Variants in NRG3 observed in about 807,000 individuals in gnomAD.
NRG3 encodes neuregulin 3, also known as pro-neuregulin-3, membrane-bound isoform.
Under a neutral mutation model 66.9 loss-of-function variants are expected in NRG3, and 31 were observed. That is an observed-to-expected ratio of 0.46 (90% CI 0.35 to 0.63). The LOEUF (loss-of-function observed/expected upper bound fraction) is 0.63. Among genes scored for constraint, NRG3 ranks in the 20% least tolerant of loss-of-function variants. The pLI is 0.00. For synonymous variants in NRG3, 393 were observed against 359.4 expected (o/e 1.09, Z -1.06); for missense variants, 910 against 878.9 (o/e 1.04, Z -0.45).
intron 2 of NRG3, among the ~76,000 whole-genome samples, chr10:82,508,893 T>C (rs1844913282): frequency 6.6e-6 from 1 of 152,198 alleles, no homozygotes; most frequent in South Asian, 2.1e-4. Flanking sequence ...ACTTCAAATG[T>C]AGAGTTTATC....
chr10:82,429,267 T>G (rs977697325), intron 2 of NRG3, among the ~76,000 whole-genome samples: 6 of 152,070 alleles, frequency 3.9e-5, no homozygotes. Context: ...TTATATTATC[T>G]GTTATATTTA....
At chr10:82,905,594 G>T (rs958033075) in intron 4 of NRG3, among the ~76,000 whole-genome samples, 11 of 151,874 alleles carry the variant, frequency 7.2e-5, no homozygotes, top group Non-Finnish European at 1.3e-4. Flanking sequence ...AAAATCTTGG[G>T]GAAAGTGTGC....
intron 1 of NRG3, among the ~76,000 whole-genome samples, chr10:82,253,612 C>T (rs1191746816): frequency 2.0e-5 from 3 of 152,192 alleles, no homozygotes; most frequent in Non-Finnish European, 2.9e-5. Context: ...CTCAAAAGCA[C>T]AAATATTTTT....
intron 1 of NRG3, among the ~76,000 whole-genome samples, chr10:82,282,801 AC>A (rs1168103689): frequency 6.6e-6 from 1 of 152,040 alleles, no homozygotes; most frequent in Non-Finnish European, 1.5e-5. Flanking sequence ...ATGCTTTTCC[AC>A]TAGCACCTCC....
At chr10:82,328,614 T>A (rs1276790244) in intron 1 of NRG3, among the ~76,000 whole-genome samples, 1 of 152,176 alleles carries the variant, frequency 6.6e-6, no homozygotes, top group African/African-American at 2.4e-5. Context: ...ATTGCTCAAT[T>A]TCTGTTAACC....
intron 1 of NRG3, among the ~76,000 whole-genome samples, chr10:82,067,923 T>C (rs1035279968): frequency 6.6e-6 from 1 of 152,242 alleles, no homozygotes; most frequent in Non-Finnish European, 1.5e-5. Flanking sequence ...ATCAAGTTTA[T>C]AATTTTTATT....
rs188760104 is a variant in NRG3 at position 81,994,177 on chromosome 10, C to G, written c.823+118014C>G. Among the ~76,000 whole-genome samples, 230 of 151,932 alleles carry G rather than the reference C, an allele frequency of 1.5e-3. 2 individuals are homozygous for G. The highest frequency in any genetic ancestry group is 2.9e-3 in the Non-Finnish European group (196 of 67,990). On this transcript the variant is annotated intron_variant, in intron 1 of 8. Coordinates refer to ENST00000372141, the MANE Select transcript of NRG3 (RefSeq NM_001010848.4). ...AAGACACTTGTTTATTTTTTACAAT[C>G]AAACATAGTATCTTCAAATTGTCCA...
intron 1 of NRG3, among the ~76,000 whole-genome samples, chr10:82,128,514 A>G (rs1311140601): frequency 6.6e-6 from 1 of 152,028 alleles, no homozygotes; most frequent in Non-Finnish European, 1.5e-5. Flanking sequence ...AGATTATGAT[A>G]AGGAAATGCC....
chr10:82,148,181 A>T (rs2070401099), intron 1 of NRG3, among the ~76,000 whole-genome samples: 1 of 152,022 alleles, frequency 6.6e-6, no homozygotes, highest in Non-Finnish European at 1.5e-5. Flanking sequence ...CTAATCAAAA[A>T]CTTCTTTGAG....
intron 1 of NRG3, chr10:82,225,642 A>T (rs909467938): frequency 6.6e-6 from 1 of 152,230 alleles, no homozygotes; most frequent in Non-Finnish European, 1.5e-5. Context: ...CAGAGTAATT[A>T]TCAGTGTGAT....
intron 1 of NRG3, among the ~76,000 whole-genome samples, chr10:82,151,193 A>T (rs1590314978): frequency 6.6e-6 from 1 of 152,150 alleles, no homozygotes; most frequent in South Asian, 2.1e-4. Context: ...ACTCACACAG[A>T]CTGGGTCTTG....
intron 1 of NRG3, among the ~76,000 whole-genome samples, chr10:81,972,413 A>T (rs1442754543): frequency 6.6e-6 from 1 of 152,192 alleles, no homozygotes; most frequent in African/African-American, 2.4e-5. Context: ...TAAAATAGTT[A>T]TTAAGACTAC....
chr10:82,142,491 C>A (rs940943893), intron 1 of NRG3, among the ~76,000 whole-genome samples: 3 of 152,122 alleles, frequency 2.0e-5, no homozygotes, highest in African/African-American at 7.2e-5. Context: ...ACACGTGCTT[C>A]TGGTTGCTGT....
chr10:82,795,153 G>A (rs918461300), intron 3 of NRG3, among the ~76,000 whole-genome samples: 4 of 152,172 alleles, frequency 2.6e-5, no homozygotes, highest in Non-Finnish European at 4.4e-5. Context: ...ATGGTAATTT[G>A]ATATCACAAA....
At chr10:82,183,356 TCTGA>T (rs1303336629) in intron 1 of NRG3, among the ~76,000 whole-genome samples, 2 of 152,004 alleles carry the variant, frequency 1.3e-5, no homozygotes, top group Non-Finnish European at 2.9e-5. Flanking sequence ...TTTTTGCTCC[TCTGA>T]CTGTATAATT....
At chr10:82,072,591 T>C (rs997335491) in intron 1 of NRG3, among the ~76,000 whole-genome samples, 1 of 152,160 alleles carries the variant, frequency 6.6e-6, no homozygotes, top group Admixed American at 6.5e-5. Flanking sequence ...GTGCTGCAGA[T>C]ACACAGAGAG....
intron 1 of NRG3, among the ~76,000 whole-genome samples, chr10:82,040,554 C>T (rs1397198853): frequency 6.6e-6 from 1 of 152,002 alleles, no homozygotes; most frequent in East Asian, 1.9e-4. Flanking sequence ...ATGCATTCTA[C>T]AAGACCACCA....
chr10:82,373,048 A>G (rs942439485), intron 2 of NRG3, among the ~76,000 whole-genome samples: 1 of 152,238 alleles, frequency 6.6e-6, no homozygotes, highest in Non-Finnish European at 1.5e-5. Flanking sequence ...AAAATGTTCT[A>G]CAATTCCCTA....
chr10:82,516,533 G>T (rs1590432906), intron 2 of NRG3, among the ~76,000 whole-genome samples: 2 of 152,128 alleles, frequency 1.3e-5, no homozygotes, highest in African/African-American at 4.8e-5. Flanking sequence ...CTTTTGGGTA[G>T]ATTTTAATGA....
Sources: allele counts gnomAD v4.1 joint callset (sites outside exome capture counted in the v4.1 genomes callset), GRCh38; gene constraint gnomAD v4.1.1; transcripts MANE v1.5; gene names NCBI Gene and HGNC (gene_info 2026-07-23, HGNC 2026-07-21).